The following PCDHGA1 variants were observed in gnomAD, a reference collection of about 807,000 sequenced individuals.
PCDHGA1 encodes the protein protocadherin gamma subfamily A, 1, also known as protocadherin gamma-A1.
In PCDHGA1, 32 loss-of-function variants were observed where a neutral mutation model predicts 58.0. The observed-to-expected ratio is 0.55, with a 90% CI of 0.42 to 0.74. The LOEUF (loss-of-function observed/expected upper bound fraction) is 0.74, where lower values mean the gene tolerates loss of function less well. Ranked by LOEUF, PCDHGA1 falls within the 30% of genes least tolerant of loss-of-function variation. The pLI is 0.00. For missense variants in PCDHGA1, 1,205 were observed against 1,182.3 expected, an observed-to-expected ratio of 1.02 and a Z score of -0.28; for synonymous variants, 498 against 501.1, an observed-to-expected ratio of 0.99 and a Z score of 0.08.
Position 141,372,058 on chromosome 5 carries a change from G to T in PCDHGA1, c.2421+38953G>T, listed in dbSNP as rs769464516. ...AGCCTGCGCGTGTTGGTGGACGACC[G>T]CAACGACAATGCACCGCTGGTGCTG... On this transcript the variant is annotated intron_variant, in intron 1 of 3. Transcript: ENST00000517417. The T allele has an allele frequency of 8.1e-6, 13 of 1,613,556 alleles. No individual in the cohort carries two copies. In the East Asian group the frequency reaches 2.9e-4, roughly 36 times the overall value.
chr5:141,418,990 G>A (rs1029969170), intron 1 of PCDHGA1: 1 of 1,613,784 alleles, frequency 6.2e-7, no homozygotes, highest in African/African-American at 1.3e-5. Flanking sequence ...AAGACTCAGG[G>A]GAAAATGGGG....
chr5:141,355,718 A>C, intron 1 of PCDHGA1: 2 of 1,613,990 alleles, frequency 1.2e-6, no homozygotes, highest in South Asian at 1.1e-5. Context: ...TACCAGCTCA[A>C]CTCAAACGGT....
intron 1 of PCDHGA1, chr5:141,361,439 G>T (rs778817217): frequency 1.2e-6 from 2 of 1,614,032 alleles, no homozygotes. Context: ...CTCTCCTCCA[G>T]CATAATTGTC....
Position 141,365,232 on chromosome 5 carries a change from T to C in PCDHGA1, c.2421+32127T>C, listed in dbSNP as rs762059066. 20 of 1,613,878 alleles carry C rather than the reference T, an allele frequency of 1.2e-5. No individual in the cohort carries two copies. The South Asian group carries it at 2.2e-4, about 18-fold the overall frequency. On this transcript the variant is annotated intron_variant, in intron 1 of 3. Transcript: ENST00000517417. ...CAACTTGATTCCAACCTGGGGGAAA[T>C]CTCAACTCTACAATCACTGGACTAT...
At chr5:141,344,751 C>T (rs565801457) in intron 1 of PCDHGA1, 19 of 1,613,902 alleles carry the variant, frequency 1.2e-5, no homozygotes, top group Middle Eastern at 1.6e-4. Context: ...TGACAACCCA[C>T]CAATGTTTAC....
intron 1 of PCDHGA1, among the ~76,000 whole-genome samples, chr5:141,363,020 A>G (rs538916334): frequency 6.6e-6 from 1 of 152,380 alleles, no homozygotes; most frequent in South Asian, 2.1e-4. Flanking sequence ...CATGGGTAGG[A>G]CATTGTCCCA....
chr5:141,426,909 G>A (rs1293364217), intron 1 of PCDHGA1: 1 of 456,744 alleles, frequency 2.2e-6, no homozygotes, highest in Non-Finnish European at 4.4e-6. Flanking sequence ...TCATCTCCTG[G>A]TCCTGGAAGC....
Position 141,383,803 on chromosome 5 carries a change from T to C in PCDHGA1, c.2421+50698T>C, listed in dbSNP as rs141242913. 756 of 1,613,958 alleles carry C rather than the reference T, an allele frequency of 4.7e-4. 3 individuals carry two copies. The highest frequency in any genetic ancestry group is 8.2e-4 in the Middle Eastern group (5 of 6,062). ...TCTGAACTCGCTTACAGGAGAAATA[T>C]CAACTTTAGAAGGATTAGATTATGA... On this transcript the variant is annotated intron_variant, in intron 1 of 3. Transcript: ENST00000517417.
chr5:141,428,015 A>G, intron 1 of PCDHGA1: 5 of 1,604,042 alleles, frequency 3.1e-6, no homozygotes, highest in Non-Finnish European at 3.4e-6. Flanking sequence ...ATATAGTGCC[A>G]CGCGCCGCAG....
intron 1 of PCDHGA1, among the ~76,000 whole-genome samples, chr5:141,439,251 A>G (rs1467023466): frequency 6.6e-6 from 1 of 152,112 alleles, no homozygotes; most frequent in Non-Finnish European, 1.5e-5. Context: ...ATTTCAGCTG[A>G]AGATTCAGCC....
intron 2 of PCDHGA1, among the ~76,000 whole-genome samples, chr5:141,499,689 CTT>C (rs545067566): frequency 7.5e-5 from 9 of 119,852 alleles, no homozygotes; most frequent in African/African-American, 9.3e-5. Flanking sequence ...TAACAGATGA[CTT>C]TTTTTTTTTT....
chr5:141,350,194 C>A, intron 1 of PCDHGA1: 1 of 1,407,022 alleles, frequency 7.1e-7, no homozygotes, highest in South Asian at 1.6e-5. Context: ...TCACAGAAGT[C>A]CAGGGTGCTG....
chr5:141,432,940 T>C lies in PCDHGA1; in HGVS notation c.2422-61867T>C, dbSNP rs142546730. On this transcript the variant is annotated intron_variant, in intron 1 of 3. Transcript: ENST00000517417. This position sits in a 1 kb window ranked among gnomAD's most constrained non-coding sequence, Gnocchi z 6.0. ...GGCACAAGTCACGCCTGCTGCAGGC[T>C]TCAGGAGGCGGCTTGACAGGAGCGC... 6 of 1,614,208 alleles carry C rather than the reference T, an allele frequency of 3.7e-6. No individual in the cohort carries two copies. The highest frequency in any genetic ancestry group is 4.2e-6 in the Non-Finnish European group (5 of 1,180,040).
rs772487189 is a variant in PCDHGA1 at position 141,415,555 on chromosome 5, C to G, written c.2422-79252C>G. 5 of 1,613,954 alleles carry G rather than the reference C, an allele frequency of 3.1e-6. No homozygotes were observed. In the African/African-American group the frequency reaches 6.7e-5, roughly 22 times the overall value. On this transcript the variant is annotated intron_variant, in intron 1 of 3. Transcript: ENST00000517417. ...CCAGGAGAGCTGTGAGAAAAACGAT[C>G]CTTTGTCTTTGTTAGATGATTCGAA...
intron 1 of PCDHGA1, chr5:141,374,540 C>G: frequency 6.2e-7 from 1 of 1,613,264 alleles, no homozygotes; most frequent in Non-Finnish European, 8.5e-7. Context: ...CTCTCGTTTT[C>G]CACTAATGGA....
intron 1 of PCDHGA1, chr5:141,354,965 ACTCTGGGTG>A (rs1382443013): frequency 5.9e-6 from 3 of 506,296 alleles, no homozygotes; most frequent in African/African-American, 3.9e-5. Context: ...ACAGGTTAAG[ACTCTGGGTG>A]TCGCTGTTCA....
At chr5:141,350,383 C>A (rs1216895022) in intron 1 of PCDHGA1, 1 of 1,590,102 alleles carries the variant, frequency 6.3e-7, no homozygotes, top group African/African-American at 1.3e-5. Context: ...AGCTAGCCAA[C>A]GGCTCACGGG....
rs1562144438 is a variant in PCDHGA1, at chr5:141,491,135, G to T, written c.2422-3672G>T. The T allele has an allele frequency of 6.2e-7, 1 of 1,613,986 alleles. No individual in the cohort carries two copies. Among genetic ancestry groups the T allele is most frequent in the Non-Finnish European group, 8.5e-7 (1 of 1,180,000 alleles). On this transcript the variant is annotated intron_variant, in intron 1 of 3. Transcript: ENST00000517417. This position sits in a 1 kb window ranked among gnomAD's most constrained non-coding sequence, Gnocchi z 6.9. ...CACACTGGTGAGGTGCGCACAGCCC[G>T]GGCCTTACTGGAGGATGACTCTGAC...
rs186638311 is a variant in PCDHGA1, at chr5:141,492,901, T to C, written c.2422-1906T>C. 3.7e-3 allele frequency among the ~76,000 whole-genome samples: 568 copies of C among 152,326 alleles called. 5 individuals carry two copies. The highest frequency in any genetic ancestry group is 0.011 in the Admixed American group (163 of 15,308). On this transcript the variant is annotated intron_variant, in intron 1 of 3. Coordinates refer to ENST00000517417, the MANE Select transcript of PCDHGA1 (RefSeq NM_018912.3). ...GAGATACAGGCTTTTGGCGCCGTCG[T>C]GATCACAATGTGCCCAGCGATCTAG...
Sources: allele counts gnomAD v4.1 joint callset (sites outside exome capture counted in the v4.1 genomes callset), GRCh38; gene constraint gnomAD v4.1.1; non-coding constraint Gnocchi (gnomAD v3.1); transcripts MANE v1.5; gene names NCBI Gene and HGNC (gene_info 2026-07-23, HGNC 2026-07-21).